The following SLC25A12 variants were observed in gnomAD, a reference collection of about 807,000 sequenced individuals.
The protein encoded by SLC25A12 is solute carrier family 25 member 12.
A neutral mutation model predicts 83.3 loss-of-function variants in SLC25A12; 32 were observed. That is an observed-to-expected ratio of 0.38 (90% CI 0.29 to 0.52). The LOEUF (loss-of-function observed/expected upper bound fraction) is 0.52. Ranked by LOEUF, SLC25A12 falls within the 20% of genes least tolerant of loss-of-function variation. The pLI is 0.84. For missense variants in SLC25A12, 611 were observed against 835.6 expected, an observed-to-expected ratio of 0.73 and a Z score of 3.31; for synonymous variants, 267 against 291.1, an observed-to-expected ratio of 0.92 and a Z score of 0.84.
chr2:171,794,805 A>G (rs1431315928), intron 13 of SLC25A12, among the ~76,000 whole-genome samples: 6 of 152,330 alleles, frequency 3.9e-5, no homozygotes, highest in Admixed American at 2.0e-4. Flanking sequence ...TGATATTCAT[A>G]TCATTATAAT....
chr2:171,880,956 C>T (rs1369588119), intron 2 of SLC25A12, among the ~76,000 whole-genome samples: 1 of 152,198 alleles, frequency 6.6e-6, no homozygotes, highest in Admixed American at 6.5e-5. Flanking sequence ...CTTAACCTTT[C>T]TGGGGCTTAG....
At chr2:171,827,532 T>A (rs575551979) in intron 8 of SLC25A12, among the ~76,000 whole-genome samples, 2 of 152,180 alleles carry the variant, frequency 1.3e-5, no homozygotes, top group Non-Finnish European at 2.9e-5. Context: ...CAGCCTCCGA[T>A]TGGTTGTGGG....
intron 8 of SLC25A12, among the ~76,000 whole-genome samples, chr2:171,833,713 CCTTT>C (rs955527362): frequency 2.6e-5 from 4 of 152,040 alleles, no homozygotes; most frequent in Non-Finnish European, 4.4e-5. Context: ...CCTTTCCTTC[CCTTT>C]CTTTCTTCTC....
rs150483260 is a variant in SLC25A12, at chr2:171,841,857, G to A, written c.465+2512C>T. Reference sequence around the variant, plus strand: ...TGGATTCTCCAAGGTAAAAGTGAAGGGTGATCACAGAATGACTCCTATGCA... The same window carrying A: ...TGGATTCTCCAAGGTAAAAGTGAAGAGTGATCACAGAATGACTCCTATGCA... On this transcript the variant is annotated intron_variant, in intron 5 of 17. Coordinates refer to ENST00000422440, the MANE Select transcript of SLC25A12 (RefSeq NM_003705.5). Among the ~76,000 whole-genome samples the A allele has an allele frequency of 3.7e-3, 561 of 152,294 alleles. 4 individuals are homozygous for A. Among genetic ancestry groups the A allele is most frequent in the African/African-American group, 0.013 (545 of 41,562 alleles).
chr2:171,861,321 T>C (rs980338685), intron 3 of SLC25A12, among the ~76,000 whole-genome samples: 1 of 152,142 alleles, frequency 6.6e-6, no homozygotes, highest in Non-Finnish European at 1.5e-5. Context: ...CATTATATAC[T>C]TACTGCATTA....
chr2:171,849,495 G>C (rs1350735483), intron 4 of SLC25A12, among the ~76,000 whole-genome samples: 2 of 149,628 alleles, frequency 1.3e-5, no homozygotes, highest in Non-Finnish European at 3.0e-5. Flanking sequence ...TATTATCATA[G>C]AATTTTCATT....
intron 3 of SLC25A12, among the ~76,000 whole-genome samples, chr2:171,864,824 T>G (rs939667841): frequency 1.3e-5 from 2 of 152,194 alleles, no homozygotes; most frequent in Admixed American, 6.5e-5. Context: ...AGCACCTCAT[T>G]TCAGAAGTGT....
At chr2:171,823,627 C>T (rs1684238075) in intron 9 of SLC25A12, among the ~76,000 whole-genome samples, 1 of 152,148 alleles carries the variant, frequency 6.6e-6, no homozygotes, top group Admixed American at 6.5e-5. Flanking sequence ...ACCTAATCCT[C>T]AGTAGAAAGA....
intron 13 of SLC25A12, among the ~76,000 whole-genome samples, chr2:171,799,569 G>A (rs1028296585): frequency 6.6e-6 from 1 of 152,198 alleles, no homozygotes; most frequent in Non-Finnish European, 1.5e-5. Context: ...GATATGAAGG[G>A]AGGGTGTGTG....
chr2:171,885,008 C>T (rs1400319052), intron 2 of SLC25A12, among the ~76,000 whole-genome samples: 1 of 151,934 alleles, frequency 6.6e-6, no homozygotes, highest in Admixed American at 6.6e-5. Context: ...AGTCAGGAGA[C>T]TGAGACCATC....
intron 3 of SLC25A12, among the ~76,000 whole-genome samples, chr2:171,860,579 G>A (rs891749077): frequency 6.6e-6 from 1 of 152,094 alleles, no homozygotes; most frequent in Non-Finnish European, 1.5e-5. Context: ...TCCAGCCTGA[G>A]TAACAGAGAC....
chr2:171,874,852 G>C (rs549021013), intron 2 of SLC25A12, among the ~76,000 whole-genome samples: 26 of 152,190 alleles, frequency 1.7e-4, no homozygotes, highest in Non-Finnish European at 3.4e-4. Flanking sequence ...AGGAGAACAG[G>C]GTCTGGAGGC....
At chr2:171,788,682 C>A (rs1473229989) in intron 15 of SLC25A12, 1 of 152,408 alleles carries the variant, frequency 6.6e-6, no homozygotes. Flanking sequence ...AGCAAAGGAG[C>A]AAAATAATCT....
intron 17 of SLC25A12, among the ~76,000 whole-genome samples, chr2:171,785,931 G>A (rs1690480515): frequency 6.6e-6 from 1 of 151,798 alleles, no homozygotes; most frequent in African/African-American, 2.4e-5. Context: ...CACCCAGGCT[G>A]GTTTTTTTCT....
chr2:171,830,518 AT>A (rs112869877), intron 8 of SLC25A12, among the ~76,000 whole-genome samples: 13 of 149,860 alleles, frequency 8.7e-5, no homozygotes, highest in South Asian at 4.2e-4. Flanking sequence ...GTTGCTTTAT[AT>A]TTTTTTTTTC....
intron 10 of SLC25A12, among the ~76,000 whole-genome samples, chr2:171,813,868 A>G (rs914044063): frequency 6.6e-6 from 1 of 152,254 alleles, no homozygotes; most frequent in Non-Finnish European, 1.5e-5. Context: ...AAATGCTTAA[A>G]TATTATGCCA....
chr2:171,814,790 CT>C (rs2105864512), intron 10 of SLC25A12, among the ~76,000 whole-genome samples: 1 of 152,240 alleles, frequency 6.6e-6, no homozygotes, highest in African/African-American at 2.4e-5. Flanking sequence ...AATAGCGAAT[CT>C]CAATTTCTTA....
At chr2:171,793,978 A>T (rs766314073) in intron 13 of SLC25A12, among the ~76,000 whole-genome samples, 66 of 152,206 alleles carry the variant, frequency 4.3e-4, no homozygotes, top group Non-Finnish European at 6.9e-4. Context: ...AGATCAATCT[A>T]CCTCTGGGTT....
intron 5 of SLC25A12, among the ~76,000 whole-genome samples, chr2:171,838,608 C>A (rs1311550251): frequency 5.3e-5 from 8 of 152,164 alleles, no homozygotes. Flanking sequence ...TAATAACACT[C>A]AGTACTAAAG....
Sources: allele counts gnomAD v4.1 joint callset (sites outside exome capture counted in the v4.1 genomes callset), GRCh38; gene constraint gnomAD v4.1.1; transcripts MANE v1.5; gene names NCBI Gene and HGNC (gene_info 2026-07-23, HGNC 2026-07-21).